Variants in HECTD4 observed in about 807,000 individuals in gnomAD.
The protein encoded by HECTD4 is probable E3 ubiquitin-protein ligase HECTD4.
Under a neutral mutation model 471.5 loss-of-function variants are expected in HECTD4, and 114 were observed. The observed-to-expected ratio is 0.24, with a 90% confidence interval of 0.21 to 0.28. HECTD4 has a LOEUF of 0.28. Ranked by LOEUF, HECTD4 falls within the 10% of genes least tolerant of loss-of-function variation. HECTD4 has a pLI of 1.00. For missense variants in HECTD4, 3,866 were observed against 5,651.5 expected (o/e 0.68, Z 10.13); for synonymous variants, 2,012 against 2,256.0 (o/e 0.89, Z 3.07).
intron 29 of HECTD4, among the ~76,000 whole-genome samples, 167 bp from the exon 30 acceptor site, chr12:112,244,176 CTAAG>C (rs1285143028): frequency 6.6e-6 from 1 of 151,818 alleles, no homozygotes; most frequent in African/African-American, 2.4e-5. Flanking sequence ...ATTTTTTAAC[CTAAG>C]TATTAGGTTA....
intron 52 of HECTD4, among the ~76,000 whole-genome samples, chr12:112,206,533 CTTTT>C (rs60701313): frequency 5.0e-4 from 56 of 111,480 alleles, no homozygotes; most frequent in South Asian, 3.4e-4. Context: ...ATAGAATCTG[CTTTT>C]TTTTTTTTTT....
intron 54 of HECTD4, chr12:112,201,316 T>G: frequency 4.2e-6 from 1 of 239,498 alleles, no homozygotes; most frequent in Non-Finnish European, 8.5e-6. Flanking sequence ...GGTCTTAAAC[T>G]CCTCACCTCA....
chr12:112,376,252 T>C (rs2036777632), intron 1 of HECTD4, among the ~76,000 whole-genome samples: 2 of 152,060 alleles, frequency 1.3e-5, no homozygotes, highest in Non-Finnish European at 2.9e-5. Flanking sequence ...TTCTTTTTTT[T>C]TGTTTTGTTT....
At chr12:112,316,565 A>G (rs2035484250) in intron 2 of HECTD4, among the ~76,000 whole-genome samples, 1 of 152,112 alleles carries the variant, frequency 6.6e-6, no homozygotes, top group South Asian at 2.1e-4. Flanking sequence ...AGAATGACTT[A>G]CCCTGAGTCC....
At chr12:112,220,662 T>C (rs1266785067) in intron 44 of HECTD4, among the ~76,000 whole-genome samples, 1 of 151,978 alleles carries the variant, frequency 6.6e-6, no homozygotes, top group East Asian at 1.9e-4. Context: ...CCAGGCATGG[T>C]GGCACATGCT....
At chr12:112,338,937 C>T (rs1475460602) in intron 1 of HECTD4, among the ~76,000 whole-genome samples, 1 of 152,112 alleles carries the variant, frequency 6.6e-6, no homozygotes, top group Non-Finnish European at 1.5e-5. Flanking sequence ...GACCCAAACA[C>T]CTCCCATCAG....
chr12:112,285,231 G>A (rs1468667642), intron 7 of HECTD4, among the ~76,000 whole-genome samples: 1 of 152,108 alleles, frequency 6.6e-6, no homozygotes. Context: ...CCTCCTTCCT[G>A]TCTCTCTCTT....
Position 112,243,803 on chromosome 12 carries a change from C to G in HECTD4, c.4650-42G>C. ...ACAGACTGGCAAGACGAGAAACACA[C>G]TCAGGGAGCTTGTTTTGATGAATGC... On this transcript the variant is annotated intron_variant, in intron 30 of 75. Coordinates refer to ENST00000682272, the MANE Select transcript of HECTD4 (RefSeq NM_001388303.1). The surrounding 1 kb of genome is among the most constrained non-coding windows in gnomAD (Gnocchi z 6.6). 2 of 1,609,780 alleles carry G rather than the reference C, an allele frequency of 1.2e-6. No individual in the cohort carries two copies. The highest frequency in any genetic ancestry group is 1.7e-6 in the Non-Finnish European group (2 of 1,176,666).
chr12:112,261,413 A>G lies in HECTD4; in HGVS notation c.2765T>C (p.Ile922Thr), dbSNP rs913891148. 8 of 1,607,438 alleles carry G rather than the reference A, an allele frequency of 5.0e-6. No individual in the cohort carries two copies. The highest frequency in any genetic ancestry group is 5.1e-6 in the Non-Finnish European group (6 of 1,174,354). Residue 922 changes from isoleucine (I) to threonine (T), a missense_variant, in exon 18 of 76, where the codon ATT (isoleucine) becomes ACT (threonine). This residue lies in a region of HECTD4 where 525 missense variants were observed against 672.6 expected (regional missense o/e 0.78). Transcript: ENST00000682272. ...TLKVQELKVSILALATQILTG... is the reference protein window; with the variant it reads ...TLKVQELKVSTLALATQILTG... ...CAGGATTTGGGTGGCAAGAGCCAAA[A>G]TACTGACTTTTAGCTCCTAGGCAGA... is the stretch of plus-strand genomic sequence containing the variant.
intron 62 of HECTD4, among the ~76,000 whole-genome samples, chr12:112,181,634 A>AT (rs1450539075): frequency 1.3e-5 from 2 of 152,150 alleles, no homozygotes; most frequent in Admixed American, 1.3e-4. Flanking sequence ...AGCTTATTTC[A>AT]TTTTTTGTAG....
chr12:112,226,491 C>T (rs2033240879), intron 44 of HECTD4, 152 bp downstream of exon 44: 2 of 467,758 alleles, frequency 4.3e-6, no homozygotes, highest in Admixed American at 3.7e-5. Context: ...ATTTCTAGGT[C>T]TGTGATGCAC....
At chr12:112,293,306 G>A (rs545011995) in intron 7 of HECTD4, among the ~76,000 whole-genome samples, 104 of 148,224 alleles carry the variant, frequency 7.0e-4, no homozygotes, top group African/African-American at 2.4e-3. Context: ...CGGAGGTTGC[G>A]GTGAGCCGAG....
rs2036903108 is a variant in HECTD4, at chr12:112,381,927, G to A, written c.177+25C>T. The stretch of plus-strand genomic sequence containing the variant: ...CGGGCGAGTGGGTCAGTCCGATGGC[G>A]GGGGCCGGGGGCCGCCTCGCTCACC... On this transcript the variant is annotated intron_variant, in intron 1 of 75. Coordinates refer to ENST00000682272, the MANE Select transcript of HECTD4 (RefSeq NM_001388303.1). The surrounding 1 kb of genome is among the most constrained non-coding windows in gnomAD (Gnocchi z 4.1). The A allele has an allele frequency of 1.6e-6, 2 of 1,219,534 alleles. No individual in the cohort carries two copies. The highest frequency in any genetic ancestry group is 3.2e-5 in the East Asian group (1 of 30,986). 75.5% of individuals were successfully genotyped at this position (1,219,534 alleles called of 1,614,324 possible). A position where few individuals can be genotyped will look rare whatever the true frequency, so the allele number is the denominator to read the frequency against.
chr12:112,290,532 T>C (rs945038685), intron 7 of HECTD4, among the ~76,000 whole-genome samples: 1 of 151,024 alleles, frequency 6.6e-6, no homozygotes, highest in African/African-American at 2.4e-5. Context: ...TCTCAAAAAA[T>C]AATAATAATA....
chr12:112,311,119 G>A (rs1005803384), intron 4 of HECTD4, among the ~76,000 whole-genome samples: 10 of 151,994 alleles, frequency 6.6e-5, no homozygotes, highest in Admixed American at 1.3e-4. Flanking sequence ...AAAATTAGCC[G>A]GGCATGGTGG....
chr12:112,325,155 G>A (rs2031585462), intron 1 of HECTD4, among the ~76,000 whole-genome samples: 1 of 151,960 alleles, frequency 6.6e-6, no homozygotes, highest in African/African-American at 2.4e-5. Context: ...ATATAGCTTA[G>A]AAAAATGACA....
At position 112,319,588 on chromosome 12, in the gene HECTD4, T is replaced by G. The variant is rs1326100579; in HGVS notation, c.332A>C (p.Glu111Ala). The G allele has an allele frequency of 7.0e-7, 1 of 1,428,688 alleles. No homozygotes were observed. Among genetic ancestry groups the G allele is most frequent in the African/African-American group, 1.4e-5 (1 of 69,612 alleles). The allele number at this position is 1,428,688 out of a possible 1,614,324, so 88.5% of individuals were successfully genotyped here. The change falls in exon 2 of 76, where the codon GAA (glutamate) becomes GCA (alanine). Residue 111 changes from glutamate (E) to alanine (A), a missense_variant. This residue lies in a region of HECTD4 where 440 missense variants were observed against 636.0 expected (regional missense o/e 0.69). Coordinates refer to ENST00000682272, the MANE Select transcript of HECTD4 (RefSeq NM_001388303.1). The surrounding 1 kb of genome is among the most constrained non-coding windows in gnomAD (Gnocchi z 5.3). ...WNAQRQLALE[E>A]QHERESSGDE... Reference sequence around the variant, plus strand: ...ACCTGAACTTTCCCTTTCATGCTGTTCTTCTAAGGCCAGCTGGCGCTGGGC... The same window carrying G: ...ACCTGAACTTTCCCTTTCATGCTGTGCTTCTAAGGCCAGCTGGCGCTGGGC...
At position 112,382,359 on chromosome 12, in the gene HECTD4, C is replaced by A; in HGVS notation, c.-231G>T. The A allele has an allele frequency of 2.6e-6, 1 of 388,030 alleles. No individual in the cohort carries two copies. 24.0% of individuals were successfully genotyped at this position (388,030 alleles called of 1,614,324 possible). Reference sequence around the variant, plus strand: ...GCCGCCGCCGCCGCCGCCGCCGCCGCCCTCAGGAGCAGGATCCGCCTCTGC... The same window carrying A: ...GCCGCCGCCGCCGCCGCCGCCGCCGACCTCAGGAGCAGGATCCGCCTCTGC... On this transcript the variant is annotated 5_prime_UTR_variant, in exon 1 of 76. Coordinates refer to ENST00000682272, the MANE Select transcript of HECTD4 (RefSeq NM_001388303.1).
At position 112,270,155 on chromosome 12, in the gene HECTD4, T is replaced by C. The variant is rs927003835; in HGVS notation, c.2175+72A>G. ...CATTAAATTTTTCTTCTGGTAAAAA[T>C]GAACTGGCTGAAGCCAAGGTTTGCG... is the stretch of plus-strand genomic sequence containing the variant. On this transcript the variant is annotated intron_variant, in intron 12 of 75. Coordinates refer to ENST00000682272, the MANE Select transcript of HECTD4 (RefSeq NM_001388303.1). The C allele has an allele frequency of 4.5e-6, 6 of 1,319,818 alleles. No homozygotes were observed. In the African/African-American group the frequency reaches 8.8e-5, roughly 19 times the overall value. The allele number at this position is 1,319,818 out of a possible 1,614,324, so 81.8% of individuals were successfully genotyped here.
Sources: gnomAD v4.1 joint callset for allele counts (sites outside exome capture counted in the v4.1 genomes callset) on GRCh38, gnomAD v4.1.1 for gene constraint, gnomAD v4.1.1 regional missense constraint, Gnocchi (gnomAD v3.1) non-coding constraint, MANE v1.5 for transcripts, NCBI Gene and HGNC (gene_info 2026-07-23, HGNC 2026-07-21) for gene names.